Variants in RNF6 observed in about 807,000 individuals in gnomAD.
RNF6 encodes the protein ring finger protein 6, also known as E3 ubiquitin-protein ligase RNF6.
A neutral mutation model predicts 50.1 loss-of-function variants in RNF6; 21 were observed. That is an observed-to-expected ratio of 0.42 (90% CI 0.30 to 0.60). RNF6 has a LOEUF of 0.60. Ranked by LOEUF, RNF6 falls within the 20% of genes least tolerant of loss-of-function variation. The pLI, the probability that RNF6 is intolerant of heterozygous loss-of-function variation, is 0.20. For missense variants in RNF6, 698 were observed against 838.2 expected, an observed-to-expected ratio of 0.83 and a Z score of 2.07; for synonymous variants, 255 against 291.8, an observed-to-expected ratio of 0.87 and a Z score of 1.29.
chr13:26,217,755 T>G (rs1458922595), intron 4 of RNF6, among the ~76,000 whole-genome samples: 1 of 152,264 alleles, frequency 6.6e-6, no homozygotes, highest in Non-Finnish European at 1.5e-5. Flanking sequence ...TTGATTTTAA[T>G]TAATTTCCAT....
intron 5 of RNF6, among the ~76,000 whole-genome samples, chr13:26,179,629 C>CTATG (rs1215718906): frequency 6.6e-6 from 1 of 152,158 alleles, no homozygotes; most frequent in African/African-American, 2.4e-5. Flanking sequence ...AGGAGAAGTG[C>CTATG]TATGTCTGCC....
At position 26,222,026 on chromosome 13, in the gene RNF6, C is replaced by T. The variant is rs1418556051; in HGVS notation, c.-125G>A. 1.3e-5 allele frequency: 2 copies of T among 152,296 alleles called. No homozygotes were observed. The highest frequency in any genetic ancestry group is 2.9e-5 in the Non-Finnish European group (2 of 68,082). 9.4% of individuals were successfully genotyped at this position (152,296 alleles called of 1,614,324 possible). ...ACCTCTCCAGGTCTTGGGCCTTCGC[C>T]CTCCTGTCCGGAGAACGTGTGCTGT... On this transcript the variant is annotated 5_prime_UTR_variant, in exon 1 of 5. Coordinates refer to ENST00000381588, the MANE Select transcript of RNF6 (RefSeq NM_005977.4).
chr13:26,185,529 G>A (rs1218534636), intron 5 of RNF6, among the ~76,000 whole-genome samples: 1 of 152,122 alleles, frequency 6.6e-6, no homozygotes, highest in South Asian at 2.1e-4. Flanking sequence ...GGCGGATCAC[G>A]AGGTCAAGAG....
At chr13:26,211,569 C>T (rs1869324552), downstream of RNF6, among the ~76,000 whole-genome samples, 1 of 152,058 alleles carries the variant, frequency 6.6e-6, no homozygotes, top group Non-Finnish European at 1.5e-5. Flanking sequence ...CTAGCCTGGC[C>T]AACATGGTGA....
At chr13:26,158,984 T>C (rs1872075613) in intron 5 of RNF6, among the ~76,000 whole-genome samples, 1 of 152,202 alleles carries the variant, frequency 6.6e-6, no homozygotes, top group Non-Finnish European at 1.5e-5. Context: ...CATTTATTAT[T>C]AATATTTGAA....
intron 5 of RNF6, among the ~76,000 whole-genome samples, chr13:26,172,755 G>C (rs751631538): frequency 1.3e-5 from 2 of 152,150 alleles, no homozygotes; most frequent in African/African-American, 4.8e-5. Flanking sequence ...ATGTTAGCCA[G>C]GATGGTCTCG....
At chr13:26,177,699 C>T (rs1250742938) in intron 5 of RNF6, among the ~76,000 whole-genome samples, 1 of 152,214 alleles carries the variant, frequency 6.6e-6, no homozygotes, top group Non-Finnish European at 1.5e-5. Flanking sequence ...TCAGCTTACC[C>T]TCCACATCCA....
At chr13:26,156,888 A>G (rs865966845) in intron 5 of RNF6, among the ~76,000 whole-genome samples, 12 of 152,192 alleles carry the variant, frequency 7.9e-5, no homozygotes, top group Admixed American at 5.9e-4. Flanking sequence ...TTTATATAAC[A>G]TGGGGAGAGC....
intron 5 of RNF6, among the ~76,000 whole-genome samples, chr13:26,184,015 TA>T (rs1873382383): frequency 6.0e-5 from 1 of 16,596 alleles, no homozygotes; most frequent in Non-Finnish European, 1.2e-4. Context: ...TATATATATA[TA>T]TATTTTTTTT....
intron 5 of RNF6, among the ~76,000 whole-genome samples, chr13:26,183,902 A>ATAT (rs1555317779): frequency 6.9e-6 from 1 of 144,608 alleles, no homozygotes; most frequent in African/African-American, 2.5e-5. Context: ...ATACTTATTT[A>ATAT]TATATGTAAT....
chr13:26,166,577 C>G (rs1251148007), intron 5 of RNF6, among the ~76,000 whole-genome samples: 1 of 152,140 alleles, frequency 6.6e-6, no homozygotes, highest in Admixed American at 6.5e-5. Flanking sequence ...AGCTGAGAGG[C>G]AAATCAGGAA....
rs922950803 is a variant in RNF6, at chr13:26,214,292, G to A, written c.1590C>T (p.Ser530=). ...LSNLGTDNNR[S]QHREGSSQDR... is the part of the protein sequence containing the mutation. ...CTTGAGAGGAACCTTCCCTGTGCTG[G>A]CTCCTGTTGTTATCTGTACCTAAGT... The change falls in exon 5 of 5, where the codon AGC becomes AGT. Residue 530 remains serine (S), a synonymous_variant. Transcript: ENST00000381588. The A allele has an allele frequency of 8.1e-6, 13 of 1,613,956 alleles. No homozygotes were observed. The highest frequency in any genetic ancestry group is 1.1e-5 in the Non-Finnish European group (13 of 1,180,028).
intron 5 of RNF6, among the ~76,000 whole-genome samples, chr13:26,192,870 G>C (rs1306437812): frequency 6.6e-6 from 1 of 152,236 alleles, no homozygotes; most frequent in Non-Finnish European, 1.5e-5. Flanking sequence ...AGAGAACCTA[G>C]CTAAGACATG....
chr13:26,193,989 TA>T (rs150520213), intron 5 of RNF6, among the ~76,000 whole-genome samples: 44 of 152,246 alleles, frequency 2.9e-4, no homozygotes, highest in African/African-American at 1.0e-3. Flanking sequence ...GAACAGAAAG[TA>T]ATGGAATTTT....
At chr13:26,164,823 G>T (rs905867920) in intron 5 of RNF6, among the ~76,000 whole-genome samples, 2 of 152,090 alleles carry the variant, frequency 1.3e-5, no homozygotes, top group African/African-American at 4.8e-5. Context: ...GACTTTGGGT[G>T]CTGTTAAAGA....
intron 5 of RNF6, among the ~76,000 whole-genome samples, chr13:26,195,426 T>C (rs1336197908): frequency 6.6e-6 from 1 of 151,878 alleles, no homozygotes; most frequent in Non-Finnish European, 1.5e-5. Context: ...AACACACATA[T>C]AATAGGAATT....
intron 5 of RNF6, chr13:26,142,525 T>C (rs1871012962): frequency 1.3e-5 from 2 of 152,196 alleles, no homozygotes. Context: ...ATATACACCA[T>C]GGAATACTAC....
intron 5 of RNF6, among the ~76,000 whole-genome samples, chr13:26,174,362 T>A (rs1023899190): frequency 2.6e-5 from 4 of 151,948 alleles, no homozygotes; most frequent in Admixed American, 1.3e-4. Context: ...GACAGCAAAC[T>A]GAAATAGGCT....
At chr13:26,132,386 T>C (rs138499094) in exon 6 of RNF6, 11 of 455,626 alleles carry the variant, frequency 2.4e-5, no homozygotes, top group African/African-American at 2.0e-4. Flanking sequence ...TGCTTCACAG[T>C]CTATTTTTCC....
Sources: gnomAD v4.1 joint callset for allele counts (sites outside exome capture counted in the v4.1 genomes callset) on GRCh38, gnomAD v4.1.1 for gene constraint, MANE v1.5 for transcripts, NCBI Gene and HGNC (gene_info 2026-07-23, HGNC 2026-07-21) for gene names.